The following EPC1 variants were observed in gnomAD, a reference collection of about 807,000 sequenced individuals.
EPC1 encodes the protein enhancer of polycomb homolog 1.
In EPC1, 12 loss-of-function variants were observed where a neutral mutation model predicts 98.4. The ratio of observed to expected loss-of-function variants is 0.12; its 90% CI spans 0.08 to 0.20. The LOEUF is 0.20. Among genes scored for constraint, EPC1 ranks in the 10% least tolerant of loss-of-function variants. EPC1 has a pLI of 1.00. For synonymous variants in EPC1, 357 were observed against 363.9 expected, an observed-to-expected ratio of 0.98 and a Z score of 0.21; for missense variants, 729 against 990.5, an observed-to-expected ratio of 0.74 and a Z score of 3.54.
chr10:32,323,545 C>G (rs987087892), intron 1 of EPC1, among the ~76,000 whole-genome samples: 1 of 152,114 alleles, frequency 6.6e-6, no homozygotes, highest in African/African-American at 2.4e-5. Context: ...AGGAAGGTAT[C>G]TAAGTATATA....
chr10:32,285,152 A>G, intron 9 of EPC1, 102 bp from the exon 10 acceptor site: 1 of 813,464 alleles, frequency 1.2e-6, no homozygotes, highest in Non-Finnish European at 1.9e-6. Context: ...AGGCCAACTC[A>G]TACTGAATAT....
At chr10:32,362,425 A>G in intron 1 of EPC1, among the ~76,000 whole-genome samples, 1 of 151,878 alleles carries the variant, frequency 6.6e-6, no homozygotes, top group Non-Finnish European at 1.5e-5. Context: ...TTTTCATGAG[A>G]TCTGGTTGTT....
At chr10:32,282,061 G>A (rs549405686) in intron 10 of EPC1, 1 of 152,026 alleles carries the variant, frequency 6.6e-6, no homozygotes, top group Non-Finnish European at 1.5e-5. Context: ...ACTTTATAAA[G>A]TATGCAGAGA....
chr10:32,278,383 T>G (rs1277951499), intron 10 of EPC1, among the ~76,000 whole-genome samples: 13 of 137,490 alleles, frequency 9.5e-5, no homozygotes, highest in African/African-American at 2.8e-4. Context: ...TTTTTTTTTT[T>G]TGTTTTTTTT....
intron 10 of EPC1, among the ~76,000 whole-genome samples, chr10:32,275,489 G>A (rs1052938634): frequency 1.1e-4 from 17 of 150,644 alleles, no homozygotes; most frequent in Non-Finnish European, 2.1e-4. Context: ...AAAGTTGGCT[G>A]GGCGCGGTGG....
At chr10:32,326,245 C>G (rs1311322353) in intron 1 of EPC1, among the ~76,000 whole-genome samples, 2 of 152,144 alleles carry the variant, frequency 1.3e-5, no homozygotes, top group Non-Finnish European at 2.9e-5. Context: ...TACTTTCTGG[C>G]TGTCGTGTGG....
Position 32,271,769 on chromosome 10 carries a change from A to C in EPC1, c.2154T>G (p.Ala718=). 2 of 1,614,218 alleles carry C rather than the reference A, an allele frequency of 1.2e-6. No individual in the cohort carries two copies. The highest frequency in any genetic ancestry group is 1.7e-6 in the Non-Finnish European group (2 of 1,180,030). Residue 718 remains alanine, a synonymous_variant, in exon 13 of 14, where the codon GCT becomes GCG. Coordinates refer to ENST00000319778, the MANE Select transcript of EPC1 (RefSeq NM_001272004.3). ...GAACCTGAGTTGTTGCAGAATTGGC[A>C]GCAGTTACTTGATGACTCAGTGCAC... is the stretch of plus-strand genomic sequence containing the variant. ...SHSALSHQVT[A]ANSATTQVLI...
At chr10:32,324,455 C>T (rs1470957266) in intron 1 of EPC1, among the ~76,000 whole-genome samples, 1 of 150,408 alleles carries the variant, frequency 6.6e-6, no homozygotes. Flanking sequence ...CGCTTGAACT[C>T]GAGATGCCAG....
chr10:32,273,284 G>A lies in EPC1; in HGVS notation c.1745-3C>T. Reference sequence around the variant, plus strand: ...CTGGTATTGTTCGGCTGTAAATGCTGAACATAAAATAAAGAAACACTTTAT... The same window carrying A: ...CTGGTATTGTTCGGCTGTAAATGCTAAACATAAAATAAAGAAACACTTTAT... On this transcript the variant is annotated splice_polypyrimidine_tract_variant and splice_region_variant and intron_variant, in intron 10 of 13. Transcript: ENST00000319778. 2 of 1,613,524 alleles carry A rather than the reference G, an allele frequency of 1.2e-6. No homozygotes were observed. The highest frequency in any genetic ancestry group is 1.1e-5 in the South Asian group (1 of 90,970).
At chr10:32,269,987 T>TA (rs1835759795) in intron 13 of EPC1, among the ~76,000 whole-genome samples, 1 of 152,232 alleles carries the variant, frequency 6.6e-6, no homozygotes, top group Non-Finnish European at 1.5e-5. Context: ...TTTAAACTAC[T>TA]AACCTTCCTG....
chr10:32,358,480 C>CA (rs1229064431), intron 1 of EPC1, among the ~76,000 whole-genome samples: 1 of 151,724 alleles, frequency 6.6e-6, no homozygotes, highest in Non-Finnish European at 1.5e-5. Context: ...CCCATCTCTA[C>CA]AAAAAATACA....
chr10:32,350,416 C>T (rs935774395), upstream of EPC1, among the ~76,000 whole-genome samples: 9 of 152,088 alleles, frequency 5.9e-5, no homozygotes, highest in South Asian at 4.1e-4. Context: ...AAGCAGCATG[C>T]GATCTGATTC....
intron 2 of EPC1, among the ~76,000 whole-genome samples, chr10:32,303,695 G>A (rs1299041456): frequency 6.6e-6 from 1 of 152,202 alleles, no homozygotes; most frequent in Admixed American, 6.5e-5. Context: ...TGCTGGTGAT[G>A]GTGCAGGTGA....
chr10:32,309,924 G>A (rs1836107913), intron 1 of EPC1, among the ~76,000 whole-genome samples: 2 of 151,584 alleles, frequency 1.3e-5, no homozygotes, highest in South Asian at 2.1e-4. Flanking sequence ...GCCAGGTGTG[G>A]TGGCTGATGC....
At chr10:32,334,713 G>C (rs1053446054) in intron 1 of EPC1, among the ~76,000 whole-genome samples, 4 of 152,046 alleles carry the variant, frequency 2.6e-5, no homozygotes, top group Non-Finnish European at 4.4e-5. Context: ...TTATCTGCTG[G>C]AATGTTCTCT....
At chr10:32,369,451 C>T (rs1012509207) in intron 1 of EPC1, among the ~76,000 whole-genome samples, 19 of 152,076 alleles carry the variant, frequency 1.2e-4, no homozygotes, top group Admixed American at 5.2e-4. Flanking sequence ...TACACCCCAT[C>T]AGTGTCTCAA....
intron 1 of EPC1, among the ~76,000 whole-genome samples, chr10:32,319,663 C>G (rs897753824): frequency 1.3e-5 from 2 of 152,042 alleles, no homozygotes; most frequent in African/African-American, 4.8e-5. Context: ...AAGATGAAAA[C>G]ATCTATGAAA....
At chr10:32,343,698 G>GT (rs1185580387) in intron 1 of EPC1, among the ~76,000 whole-genome samples, 2 of 150,778 alleles carry the variant, frequency 1.3e-5, no homozygotes, top group African/African-American at 2.4e-5. Context: ...TTATTTTGGG[G>GT]GGGGGGTGTA....
intron 1 of EPC1, among the ~76,000 whole-genome samples, chr10:32,353,102 C>T (rs1839171077): frequency 6.6e-6 from 1 of 150,814 alleles, no homozygotes; most frequent in Admixed American, 6.6e-5. Flanking sequence ...TTGCAATGAG[C>T]CAAGATCGCG....
Sources: gnomAD v4.1 joint callset for allele counts (sites outside exome capture counted in the v4.1 genomes callset) on GRCh38, gnomAD v4.1.1 for gene constraint, MANE v1.5 for transcripts, NCBI Gene and HGNC (gene_info 2026-07-23, HGNC 2026-07-21) for gene names.